Variants in PTPRD observed in about 807,000 individuals in gnomAD.
PTPRD encodes receptor-type tyrosine-protein phosphatase delta.
A neutral mutation model predicts 214.5 loss-of-function variants in PTPRD; 34 were observed. The ratio of observed to expected loss-of-function variants is 0.16; its 90% CI spans 0.12 to 0.21. PTPRD has a LOEUF of 0.21. Ranked by LOEUF, PTPRD falls within the 10% of genes least tolerant of loss-of-function variation. The probability of loss-of-function intolerance (pLI) is 1.00; values close to 1 mark genes in which losing one functional copy is unlikely to be tolerated. For missense variants in PTPRD, 2,545 were observed against 2,398.7 expected (o/e 1.06, Z -1.27); for synonymous variants, 1,128 against 845.7 (o/e 1.33, Z -5.79).
At chr9:9,612,132 T>A (rs1410248050) in intron 7 of PTPRD, among the ~76,000 whole-genome samples, 1 of 152,152 alleles carries the variant, frequency 6.6e-6, no homozygotes, top group African/African-American at 2.4e-5. Context: ...AATTGTGTAA[T>A]AAAATTGAGT....
At chr9:8,613,723 C>A (rs1377804627) in intron 14 of PTPRD, among the ~76,000 whole-genome samples, 3 of 152,122 alleles carry the variant, frequency 2.0e-5, no homozygotes, top group Non-Finnish European at 4.4e-5. Context: ...TGGCTGTCTG[C>A]ATGAACACAA....
At chr9:9,667,318 A>G (rs2096742742) in intron 7 of PTPRD, among the ~76,000 whole-genome samples, 1 of 151,900 alleles carries the variant, frequency 6.6e-6, no homozygotes, top group African/African-American at 2.4e-5. Flanking sequence ...CCCATTCATC[A>G]TTTACCCCTC....
At chr9:10,422,144 G>A (rs2098551601) in intron 2 of PTPRD, among the ~76,000 whole-genome samples, 1 of 151,978 alleles carries the variant, frequency 6.6e-6, no homozygotes, top group East Asian at 1.9e-4. Context: ...AGAGGCCTCA[G>A]AAATGACACC....
intron 44 of PTPRD, among the ~76,000 whole-genome samples, chr9:8,323,952 C>G (rs1830949847): frequency 6.6e-6 from 1 of 152,108 alleles, no homozygotes; most frequent in Admixed American, 6.6e-5. Context: ...TGGCAAACTT[C>G]ATTATTATTT....
At chr9:9,404,174 G>C (rs1294376800) in intron 8 of PTPRD, among the ~76,000 whole-genome samples, 2 of 152,038 alleles carry the variant, frequency 1.3e-5, no homozygotes, top group African/African-American at 4.8e-5. Context: ...CAAGAAATTT[G>C]GGTTTATATT....
intron 12 of PTPRD, among the ~76,000 whole-genome samples, chr9:8,709,886 T>C (rs903258139): frequency 6.6e-6 from 1 of 152,078 alleles, no homozygotes; most frequent in Admixed American, 6.5e-5. Context: ...CAAATGAAGA[T>C]AATAGAGAGT....
At chr9:10,147,643 G>A (rs1380815063) in intron 3 of PTPRD, among the ~76,000 whole-genome samples, 2 of 152,124 alleles carry the variant, frequency 1.3e-5, no homozygotes, top group Non-Finnish European at 2.9e-5. Flanking sequence ...ACTTTAGGAT[G>A]CCAAGGTGTG....
At chr9:10,028,792 G>T (rs886574511) in intron 4 of PTPRD, among the ~76,000 whole-genome samples, 1 of 152,190 alleles carries the variant, frequency 6.6e-6, no homozygotes, top group Non-Finnish European at 1.5e-5. Context: ...AAGCATAAAA[G>T]AAAATCCCAT....
At chr9:10,278,932 G>C (rs571694915) in intron 3 of PTPRD, among the ~76,000 whole-genome samples, 1 of 151,816 alleles carries the variant, frequency 6.6e-6, no homozygotes, top group Admixed American at 6.6e-5. Context: ...ACACCACCAC[G>C]CCAGGCTAAT....
intron 3 of PTPRD, among the ~76,000 whole-genome samples, chr9:10,326,040 T>C (rs982090255): frequency 2.6e-5 from 4 of 151,846 alleles, no homozygotes; most frequent in African/African-American, 9.7e-5. Flanking sequence ...GAGATTTTGA[T>C]CCACTGATTA....
At chr9:9,689,723 G>A (rs1448989858) in intron 7 of PTPRD, among the ~76,000 whole-genome samples, 1 of 151,972 alleles carries the variant, frequency 6.6e-6, no homozygotes, top group East Asian at 1.9e-4. Context: ...TCCCATATAT[G>A]AGGAAGAGTA....
chr9:8,493,027 G>T, intron 26 of PTPRD, 48 bp from the exon 27 acceptor site: 1 of 1,478,140 alleles, frequency 6.8e-7, no homozygotes, highest in Non-Finnish European at 9.4e-7. Flanking sequence ...TGCTACTAAT[G>T]CTCTGGGGGA....
At chr9:8,488,186 A>G (rs1004467498) in intron 27 of PTPRD, among the ~76,000 whole-genome samples, 5 of 152,206 alleles carry the variant, frequency 3.3e-5, no homozygotes, top group Non-Finnish European at 7.3e-5. Context: ...AACCTCAGAG[A>G]TGGACTGATT....
At chr9:10,390,072 A>C (rs2098024937) in intron 2 of PTPRD, among the ~76,000 whole-genome samples, 1 of 151,868 alleles carries the variant, frequency 6.6e-6, no homozygotes, top group South Asian at 2.1e-4. Flanking sequence ...ATTTTTTGAT[A>C]AATTGCCCAT....
intron 2 of PTPRD, among the ~76,000 whole-genome samples, chr9:10,488,836 G>T (rs557787938): frequency 2.6e-5 from 4 of 152,186 alleles, no homozygotes; most frequent in African/African-American, 7.2e-5. Context: ...CCCGACTTGG[G>T]ACTCATCTTT....
At chr9:9,028,743 C>T (rs2099595303) in intron 10 of PTPRD, among the ~76,000 whole-genome samples, 1 of 151,918 alleles carries the variant, frequency 6.6e-6, no homozygotes, top group Non-Finnish European at 1.5e-5. Context: ...GAAAGTAGCA[C>T]ATGGGAAATG....
rs186214609 is a variant in PTPRD at position 10,474,720 on chromosome 9, C to T, written c.-599-133703G>A. Among the ~76,000 whole-genome samples the T allele has an allele frequency of 7.0e-4, 107 of 152,144 alleles. 1 individual carries two copies. Among genetic ancestry groups the T allele is most frequent in the Middle Eastern group, 3.4e-3 (1 of 294 alleles). On this transcript the variant is annotated intron_variant, in intron 2 of 45. Coordinates refer to ENST00000381196, the MANE Select transcript of PTPRD (RefSeq NM_002839.4). ...CACATACCACCTACTCTAAAACAGA[C>T]CACATAATTTGAAGTAAAACACTAC...
intron 5 of PTPRD, among the ~76,000 whole-genome samples, chr9:9,774,548 C>T (rs1422810137): frequency 1.3e-5 from 2 of 152,168 alleles, no homozygotes; most frequent in Non-Finnish European, 2.9e-5. Context: ...ATACCATCAA[C>T]TTCAACAGCC....
chr9:9,785,102 T>C (rs1407517288), intron 5 of PTPRD, among the ~76,000 whole-genome samples: 1 of 151,628 alleles, frequency 6.6e-6, no homozygotes, highest in Non-Finnish European at 1.5e-5. Context: ...GGAACAAAAA[T>C]ATGAAATTGT....
Sources: allele counts gnomAD v4.1 joint callset (sites outside exome capture counted in the v4.1 genomes callset), GRCh38; gene constraint gnomAD v4.1.1; transcripts MANE v1.5; gene names NCBI Gene and HGNC (gene_info 2026-07-23, HGNC 2026-07-21).